MTUS1: variants seen among roughly 807,000 people sequenced by gnomAD.
MTUS1 encodes the protein microtubule-associated tumor suppressor 1.
A neutral mutation model predicts 120.8 loss-of-function variants in MTUS1; 109 were observed. The observed-to-expected ratio is 0.90, with a 90% CI of 0.77 to 1.06. The LOEUF (loss-of-function observed/expected upper bound fraction) is 1.06, where lower values mean the gene tolerates loss of function less well. Among genes scored for constraint, MTUS1 ranks in the 50% least tolerant of loss-of-function variants. The probability of loss-of-function intolerance (pLI) is 0.00; values close to 1 mark genes in which losing one functional copy is unlikely to be tolerated. For synonymous variants in MTUS1, 737 were observed against 550.5 expected (o/e 1.34, Z -4.74); for missense variants, 2,210 against 1,486.3 (o/e 1.49, Z -8.01).
chr8:17,672,263 T>C (rs1306519602), intron 8 of MTUS1, among the ~76,000 whole-genome samples: 2 of 152,222 alleles, frequency 1.3e-5, no homozygotes, highest in Non-Finnish European at 2.9e-5. Flanking sequence ...ACCTATTATT[T>C]AATAGCAGTT....
intron 5 of MTUS1, among the ~76,000 whole-genome samples, chr8:17,714,241 A>G (rs1821880667): frequency 6.6e-6 from 1 of 152,106 alleles, no homozygotes; most frequent in African/African-American, 2.4e-5. Context: ...ATTCATGCCT[A>G]TTTTCTCTTC....
Position 17,755,521 on chromosome 8 carries a change from T to C in MTUS1, c.287A>G (p.Asp96Gly). 5.0e-6 allele frequency: 8 copies of C among 1,614,198 alleles called. No individual in the cohort carries two copies. Among genetic ancestry groups the C allele is most frequent in the Non-Finnish European group, 6.8e-6 (8 of 1,180,020 alleles). Reference sequence around the variant, plus strand: ...CTGACAAATAGAATCTTTATGCATATCTAACACCTGCTTACTAATGAAATC... The same window carrying C: ...CTGACAAATAGAATCTTTATGCATACCTAACACCTGCTTACTAATGAAATC... The part of the protein sequence containing the change: ...SSDFISKQVL[D>G]MHKDSICQCP... The change falls in exon 2 of 15, where the codon GAT becomes GGT. Residue 96 changes from aspartate to glycine, a missense_variant. Asp to Gly is a moderately conservative substitution (Grantham distance 94, BLOSUM62 -1). Transcript: ENST00000693296.
At chr8:17,687,123 T>G (rs1815981803) in intron 6 of MTUS1, among the ~76,000 whole-genome samples, 1 of 152,166 alleles carries the variant, frequency 6.6e-6, no homozygotes, top group African/African-American at 2.4e-5. Context: ...TGTATTCGTC[T>G]AAGAGTACGT....
chr8:17,704,165 C>G (rs893347997), intron 6 of MTUS1: 1 of 152,126 alleles, frequency 6.6e-6, no homozygotes, highest in Admixed American at 6.6e-5. Flanking sequence ...CTTCAACATC[C>G]TGATTTCAAT....
chr8:17,668,554 G>A (rs774353490), intron 8 of MTUS1, among the ~76,000 whole-genome samples: 2 of 152,082 alleles, frequency 1.3e-5, no homozygotes, highest in Non-Finnish European at 2.9e-5. Context: ...TGGGATTGTC[G>A]GACATAATAT....
At chr8:17,711,856 T>G (rs769064750) in intron 6 of MTUS1, among the ~76,000 whole-genome samples, 7 of 152,166 alleles carry the variant, frequency 4.6e-5, no homozygotes, top group Non-Finnish European at 1.0e-4. Context: ...TTGGTTACTT[T>G]CAATATTATT....
chr8:17,656,011 G>T lies in MTUS1; in HGVS notation c.2960C>A (p.Thr987Lys). 2 of 1,614,024 alleles carry T rather than the reference G, an allele frequency of 1.2e-6. No homozygotes were observed. The highest frequency in any genetic ancestry group is 1.7e-6 in the Non-Finnish European group (2 of 1,179,854). The change falls in exon 9 of 15, where the codon ACA (threonine) becomes AAA (lysine). Residue 987 changes from threonine (T) to lysine (K), a missense_variant. By Grantham distance (78) the Thr-to-Lys change is moderately conservative. Coordinates refer to ENST00000693296, the MANE Select transcript of MTUS1 (RefSeq NM_001363059.2). ...KLEKARNELQ[T>K]VYEAFVQQHQ... ...CTGCTGGACGAATGCTTCATACACTGTTTGTAACTCATTCCTGGCTTTTTC... is the reference window on the plus strand; with the variant it reads ...CTGCTGGACGAATGCTTCATACACTTTTTGTAACTCATTCCTGGCTTTTTC...
intron 3 of MTUS1, among the ~76,000 whole-genome samples, chr8:17,740,074 GT>G (rs1367613125): frequency 1.3e-5 from 2 of 152,134 alleles, no homozygotes; most frequent in Non-Finnish European, 2.9e-5. Flanking sequence ...GGGCGTGGTG[GT>G]GGGTGCCTGT....
intron 6 of MTUS1, among the ~76,000 whole-genome samples, chr8:17,712,585 C>G (rs1821539530): frequency 6.6e-6 from 1 of 152,162 alleles, no homozygotes; most frequent in African/African-American, 2.4e-5. Flanking sequence ...GTGATCCACC[C>G]ACCTTGGCCT....
At chr8:17,779,273 G>C (rs1485856111) in intron 1 of MTUS1, among the ~76,000 whole-genome samples, 1 of 152,196 alleles carries the variant, frequency 6.6e-6, no homozygotes, top group Non-Finnish European at 1.5e-5. Context: ...TCCTACATAA[G>C]AAGCCCTAGT....
intron 1 of MTUS1, among the ~76,000 whole-genome samples, chr8:17,762,652 T>G (rs1425291685): frequency 6.6e-6 from 1 of 152,214 alleles, no homozygotes; most frequent in Non-Finnish European, 1.5e-5. Flanking sequence ...CATTTCAAAA[T>G]GGTGGACGGC....
intron 6 of MTUS1, chr8:17,703,908 T>C (rs1312795423): frequency 6.6e-6 from 1 of 152,218 alleles, no homozygotes; most frequent in Non-Finnish European, 1.5e-5. Context: ...GCATGTGATC[T>C]TTGTGACGTA....
chr8:17,782,378 C>A (rs2050937586), intron 1 of MTUS1, among the ~76,000 whole-genome samples: 1 of 152,166 alleles, frequency 6.6e-6, no homozygotes, highest in African/African-American at 2.4e-5. Context: ...AAAGGTCTAC[C>A]AGAGATACTA....
At chr8:17,656,098 T>C in intron 8 of MTUS1, 33 bp from the exon 9 acceptor site, 2 of 1,591,824 alleles carry the variant, frequency 1.3e-6, no homozygotes, top group Non-Finnish European at 1.7e-6. Context: ...AGGGAAGAGG[T>C]CATTTTATTT....
At chr8:17,764,481 C>T (rs944478005) in intron 1 of MTUS1, among the ~76,000 whole-genome samples, 4 of 151,678 alleles carry the variant, frequency 2.6e-5, no homozygotes, top group African/African-American at 9.7e-5. Context: ...TATAATAATG[C>T]ATCCCCTACA....
chr8:17,730,145 T>C (rs1272670866), intron 3 of MTUS1, among the ~76,000 whole-genome samples: 1 of 152,152 alleles, frequency 6.6e-6, no homozygotes, highest in East Asian at 1.9e-4. Flanking sequence ...GAAGTTACCA[T>C]ATAATCCAAC....
chr8:17,722,471 A>C (rs1458732678), intron 4 of MTUS1: 2 of 985,190 alleles, frequency 2.0e-6, no homozygotes, highest in African/African-American at 3.5e-5. Flanking sequence ...TTTGTGCCAC[A>C]CCTTCAAAAT....
intron 4 of MTUS1, 42 bp downstream of exon 4, chr8:17,723,630 C>T: frequency 6.3e-7 from 1 of 1,581,406 alleles, no homozygotes; most frequent in Non-Finnish European, 8.7e-7. Context: ...CTTGTAATGA[C>T]TGTTTCCACA....
At chr8:17,738,209 C>T (rs1011095982) in intron 3 of MTUS1, among the ~76,000 whole-genome samples, 1 of 152,148 alleles carries the variant, frequency 6.6e-6, no homozygotes, top group Non-Finnish European at 1.5e-5. Context: ...CTTTCTTCAC[C>T]GACCCACCCC....
Sources: gnomAD v4.1 joint callset for allele counts (sites outside exome capture counted in the v4.1 genomes callset) on GRCh38, gnomAD v4.1.1 for gene constraint, MANE v1.5 for transcripts, NCBI Gene and HGNC (gene_info 2026-07-23, HGNC 2026-07-21) for gene names.